The following NUBP1 variants were observed in gnomAD, a reference collection of about 807,000 sequenced individuals.
The protein encoded by NUBP1 is cytosolic Fe-S cluster assembly factor NUBP1.
Under a neutral mutation model 41.8 loss-of-function variants are expected in NUBP1, and 46 were observed. That is an observed-to-expected ratio of 1.10 (90% CI 0.87 to 1.41). The LOEUF (loss-of-function observed/expected upper bound fraction) is 1.41. Among genes scored for constraint, NUBP1 ranks in the 40% most tolerant of loss-of-function variants. The pLI is 0.00. For missense variants in NUBP1, 494 were observed against 414.0 expected (o/e 1.19, Z -1.68); for synonymous variants, 189 against 154.6 (o/e 1.22, Z -1.65).
intron 9 of NUBP1, chr16:10,763,746 G>A (rs150174642): frequency 1.3e-3 from 195 of 155,226 alleles, no homozygotes; most frequent in African/African-American, 4.2e-3. Flanking sequence ...TGGGCAGGAC[G>A]TTTGTCAGGG....
intron 3 of NUBP1, among the ~76,000 whole-genome samples, chr16:10,751,257 G>T (rs1207923823): frequency 6.6e-6 from 1 of 152,178 alleles, no homozygotes; most frequent in Non-Finnish European, 1.5e-5. Flanking sequence ...AAACCTGAGA[G>T]TATCGAGGAA....
chr16:10,756,924 C>T, intron 6 of NUBP1, 144 bp downstream of exon 6: 1 of 599,426 alleles, frequency 1.7e-6, no homozygotes, highest in Non-Finnish European at 2.9e-6. Flanking sequence ...TCTTTCTTCA[C>T]TGGTTGAAAA....
At chr16:10,750,393 C>T (rs1159840627) in intron 3 of NUBP1, among the ~76,000 whole-genome samples, 1 of 152,212 alleles carries the variant, frequency 6.6e-6, no homozygotes, top group Non-Finnish European at 1.5e-5. Context: ...AGGCGTGTGC[C>T]ACCACACCCA....
In NUBP1 at chr16:10,757,427, G is replaced by A. The variant is rs114675535; in HGVS notation, c.452-446G>A. Among the ~76,000 whole-genome samples, 1,066 of 152,286 alleles carry A rather than the reference G, an allele frequency of 7.0e-3. 12 individuals are homozygous for A. The highest frequency in any genetic ancestry group is 0.025 in the African/African-American group (1,024 of 41,546). On this transcript the variant is annotated intron_variant, in intron 6 of 10. Coordinates refer to ENST00000283027, the MANE Select transcript of NUBP1 (RefSeq NM_002484.4). This position sits in a 1 kb window ranked among gnomAD's most constrained non-coding sequence, Gnocchi z 4.1. ...GTAATAATGTGAAAGTGTTATCAGG[G>A]CAAGCTTTAGCCTCAGCACTATTGA...
intron 3 of NUBP1, among the ~76,000 whole-genome samples, chr16:10,750,968 C>A (rs991446965): frequency 6.6e-6 from 1 of 152,138 alleles, no homozygotes; most frequent in Admixed American, 6.5e-5. Flanking sequence ...GCTTTTCTGG[C>A]CTAACCTAAG....
At chr16:10,762,834 C>G (rs930440210) in intron 9 of NUBP1, among the ~76,000 whole-genome samples, 1 of 151,350 alleles carries the variant, frequency 6.6e-6, no homozygotes, top group South Asian at 2.1e-4. Context: ...GGGCGGGGCC[C>G]GTGGAGAGCC....
rs550505555 is a variant in NUBP1 at position 10,757,951 on chromosome 16, C to T, written c.530C>T (p.Ser177Leu). The T allele has an allele frequency of 1.1e-5, 17 of 1,614,102 alleles. No homozygotes were observed. The highest frequency in any genetic ancestry group is 2.2e-5 in the East Asian group (1 of 44,878). ...ATTGTGGACACCCCACCTGGGACGT[C>T]GGATGAACACCTCTCGGTCGTCCGG... The part of the protein sequence containing the change: ...YLIVDTPPGT[S>L]DEHLSVVRYL... The change falls in exon 7 of 11, where the codon TCG becomes TTG. Residue 177 changes from serine (S) to leucine (L), a missense_variant. Coordinates refer to ENST00000283027, the MANE Select transcript of NUBP1 (RefSeq NM_002484.4). The surrounding 1 kb of genome is among the most constrained non-coding windows in gnomAD (Gnocchi z 4.1).
intron 4 of NUBP1, among the ~76,000 whole-genome samples, chr16:10,752,975 G>C (rs1443934562): frequency 6.6e-6 from 1 of 151,996 alleles, no homozygotes. Flanking sequence ...TTGTATTTTT[G>C]GTAGAGACCA....
intron 2 of NUBP1, among the ~76,000 whole-genome samples, chr16:10,745,322 G>C (rs1900010262): frequency 6.6e-6 from 1 of 152,048 alleles, no homozygotes; most frequent in African/African-American, 2.4e-5. Context: ...ACAAAAATTA[G>C]CCAGCATGGT....
intron 3 of NUBP1, among the ~76,000 whole-genome samples, chr16:10,747,844 T>C (rs1354245982): frequency 1.3e-5 from 2 of 152,224 alleles, no homozygotes; most frequent in Non-Finnish European, 2.9e-5. Flanking sequence ...TTAACCCCTT[T>C]TAGCTTTTCT....
intron 9 of NUBP1, among the ~76,000 whole-genome samples, chr16:10,762,911 C>T (rs935309806): frequency 6.7e-5 from 10 of 148,842 alleles, no homozygotes; most frequent in African/African-American, 2.4e-4. Context: ...AGAATGGGAG[C>T]CTGTGGGAAA....
rs917624103 is a variant in NUBP1, at chr16:10,768,555, C to T, written c.905-492C>T. ...CTGGGAGGCGGAGGCTGCAGTAAGG[C>T]GAGATCGCGCCACTGCACTCCAGCC... On this transcript the variant is annotated intron_variant, in intron 10 of 10. Transcript: ENST00000283027. This position sits in a 1 kb window ranked among gnomAD's most constrained non-coding sequence, Gnocchi z 4.3. 2.2e-4 allele frequency: 35 copies of T among 156,972 alleles called. No individual in the cohort carries two copies. Among genetic ancestry groups the T allele is most frequent in the Non-Finnish European group, 3.1e-4 (22 of 71,414 alleles). 9.7% of individuals were successfully genotyped at this position (156,972 alleles called of 1,614,324 possible). A position where few individuals can be genotyped will look rare whatever the true frequency, so the allele number is the denominator to read the frequency against.
chr16:10,765,176 T>C lies in NUBP1; in HGVS notation c.821-2773T>C, dbSNP rs1426839131. On this transcript the variant is annotated intron_variant, in intron 9 of 10. Transcript: ENST00000283027. The surrounding 1 kb of genome is among the most constrained non-coding windows in gnomAD (Gnocchi z 4.0). ...CCTTATGGCCATCACAATTGCCACA[T>C]TTTCCAAGGTTTAATGAAGAGCTAG... is the stretch of plus-strand genomic sequence containing the variant. 2 of 152,512 alleles carry C rather than the reference T, an allele frequency of 1.3e-5. No homozygotes were observed. Among genetic ancestry groups the C allele is most frequent in the Non-Finnish European group, 2.9e-5 (2 of 68,324 alleles). 9.4% of individuals were successfully genotyped at this position (152,512 alleles called of 1,614,324 possible). A position where few individuals can be genotyped will look rare whatever the true frequency, so the allele number is the denominator to read the frequency against.
chr16:10,752,687 C>G lies in NUBP1; in HGVS notation c.327+9C>G, dbSNP rs201009308. On this transcript the variant is annotated intron_variant, in intron 4 of 10. Coordinates refer to ENST00000283027, the MANE Select transcript of NUBP1 (RefSeq NM_002484.4). ...GATTGGAAGGAGAGCAGGTAATAGC[C>G]GGTTACAGAACTCAGGAAATTATTC... 1.2e-6 allele frequency: 2 copies of G among 1,611,918 alleles called. No homozygotes were observed. Among genetic ancestry groups the G allele is most frequent in the East Asian group, 4.5e-5 (2 of 44,864 alleles).
chr16:10,752,609 G>C lies in NUBP1; in HGVS notation c.259-1G>C, dbSNP rs780151385. ...CCGCTTTGGTCTCTTCTTGTCCCCA[G>C]ATTGCTCTTCTAGACATCGATATAT... On this transcript the variant is annotated splice_acceptor_variant, in intron 3 of 10. Coordinates refer to ENST00000283027, the MANE Select transcript of NUBP1 (RefSeq NM_002484.4). LOFTEE classifies it high-confidence loss of function. The C allele has an allele frequency of 2.5e-6, 4 of 1,613,202 alleles. No homozygotes were observed. The highest frequency in any genetic ancestry group is 3.4e-6 in the Non-Finnish European group (4 of 1,179,444).
chr16:10,759,005 C>T lies in NUBP1; in HGVS notation c.606+978C>T, dbSNP rs969606316. 2.0e-5 allele frequency among the ~76,000 whole-genome samples: 3 copies of T among 152,306 alleles called. No individual in the cohort carries two copies. Among genetic ancestry groups the T allele is most frequent in the African/African-American group, 7.2e-5 (3 of 41,554 alleles). On this transcript the variant is annotated intron_variant, in intron 7 of 10. Coordinates refer to ENST00000283027, the MANE Select transcript of NUBP1 (RefSeq NM_002484.4). The surrounding 1 kb of genome is among the most constrained non-coding windows in gnomAD (Gnocchi z 4.7). The stretch of plus-strand genomic sequence containing the variant: ...TGAGAAACTGAGGGCTCTTCTCCAT[C>T]TCCACAGTTACGCCTGACTTCTCTT...
At chr16:10,751,479 T>C (rs1900314413) in intron 3 of NUBP1, among the ~76,000 whole-genome samples, 2 of 152,264 alleles carry the variant, frequency 1.3e-5, no homozygotes, top group Non-Finnish European at 2.9e-5. Flanking sequence ...CGCTGGGTGC[T>C]GAGGAAGTAG....
intron 9 of NUBP1, among the ~76,000 whole-genome samples, chr16:10,764,540 G>C (rs952232370): frequency 6.7e-6 from 1 of 149,388 alleles, no homozygotes; most frequent in Admixed American, 6.7e-5. Context: ...TCATTCTGCT[G>C]GAGTATTTGT....
At chr16:10,756,971 T>C (rs1000186172) in intron 6 of NUBP1, among the ~76,000 whole-genome samples, 191 bp downstream of exon 6, 5 of 152,206 alleles carry the variant, frequency 3.3e-5, no homozygotes, top group Non-Finnish European at 7.3e-5. Context: ...TACGTAATTA[T>C]AAATATCTGC....
Sources: gnomAD v4.1 joint callset for allele counts (sites outside exome capture counted in the v4.1 genomes callset) on GRCh38, gnomAD v4.1.1 for gene constraint, Gnocchi (gnomAD v3.1) non-coding constraint, MANE v1.5 for transcripts, NCBI Gene and HGNC (gene_info 2026-07-23, HGNC 2026-07-21) for gene names.